The following SDK1 variants were observed in gnomAD, a reference collection of about 807,000 sequenced individuals.
The protein encoded by SDK1 is sidekick cell adhesion molecule 1.
SDK1 carries 157 observed loss-of-function variants against 245.5 expected under a neutral mutation model. The observed-to-expected ratio is 0.64, with a 90% confidence interval of 0.56 to 0.73. The LOEUF (loss-of-function observed/expected upper bound fraction) is 0.73, where lower values mean the gene tolerates loss of function less well. SDK1 is among the 30% of genes least tolerant of loss of function. SDK1 has a pLI of 0.00. For missense variants in SDK1, 3,583 were observed against 3,002.3 expected, an observed-to-expected ratio of 1.19 and a Z score of -4.52; for synonymous variants, 1,647 against 1,278.5, an observed-to-expected ratio of 1.29 and a Z score of -6.15.
chr7:3,978,524 C>G (rs906415213), intron 13 of SDK1, among the ~76,000 whole-genome samples: 1 of 152,152 alleles, frequency 6.6e-6, no homozygotes, highest in Admixed American at 6.5e-5. Context: ...AGTTGTTCCT[C>G]GTGAATTGTT....
At chr7:3,901,834 CT>C (rs1288926464) in intron 5 of SDK1, among the ~76,000 whole-genome samples, 1 of 152,114 alleles carries the variant, frequency 6.6e-6, no homozygotes, top group Non-Finnish European at 1.5e-5. Context: ...ATTTCCATTC[CT>C]TTTTTTAGGA....
intron 44 of SDK1, among the ~76,000 whole-genome samples, chr7:4,247,333 C>T (rs1434273136): frequency 6.6e-6 from 1 of 152,120 alleles, no homozygotes; most frequent in Non-Finnish European, 1.5e-5. Context: ...ACAGAGGATG[C>T]CGGGTTTGCT....
chr7:4,192,283 C>G lies in SDK1; in HGVS notation c.5099-13596C>G, dbSNP rs115142043. 9.7e-3 allele frequency among the ~76,000 whole-genome samples: 1,484 copies of G among 152,240 alleles called. 25 individuals carry two copies. The highest frequency in any genetic ancestry group is 0.034 in the African/African-American group (1,402 of 41,548). ...TTTGCAGCAGATTTTTTGTTTGTTT[C>G]TTTGTTTATTGAGACGGAGTCTCAC... On this transcript the variant is annotated intron_variant, in intron 35 of 44. Coordinates refer to ENST00000404826, the MANE Select transcript of SDK1 (RefSeq NM_152744.4).
intron 4 of SDK1, among the ~76,000 whole-genome samples, chr7:3,738,071 G>A (rs780540056): frequency 1.3e-5 from 2 of 152,192 alleles, no homozygotes; most frequent in Non-Finnish European, 2.9e-5. Context: ...CTCTTCTGCC[G>A]TCTTTCTTTT....
rs1156596623 is a variant in SDK1 at position 3,806,736 on chromosome 7, A to T, written c.714-14714A>T. ...GAGATGAATGGAGCAATTACGTTTT[A>T]TGTTATTGTGTTGTGTTTGTCATGG... On this transcript the variant is annotated intron_variant, in intron 4 of 44. Coordinates refer to ENST00000404826, the MANE Select transcript of SDK1 (RefSeq NM_152744.4). Among the ~76,000 whole-genome samples, 5 of 152,372 alleles carry T rather than the reference A, an allele frequency of 3.3e-5. 1 individual carries two copies. In the South Asian group the frequency reaches 8.3e-4, roughly 25 times the overall value.
At chr7:3,805,796 T>C (rs892418804) in intron 4 of SDK1, among the ~76,000 whole-genome samples, 1 of 152,268 alleles carries the variant, frequency 6.6e-6, no homozygotes, top group East Asian at 1.9e-4. Flanking sequence ...AAAAGAAATA[T>C]TGTCAAGGCA....
intron 1 of SDK1, among the ~76,000 whole-genome samples, chr7:3,433,229 T>C (rs1268125161): frequency 2.6e-5 from 4 of 152,212 alleles, no homozygotes; most frequent in Non-Finnish European, 2.9e-5. Context: ...GTTATCTGCC[T>C]CAACCCTCTA....
In SDK1 at chr7:3,679,964, A is replaced by G. The variant is rs1176440198; in HGVS notation, c.713+37859A>G. On this transcript the variant is annotated intron_variant, in intron 4 of 44. Transcript: ENST00000404826. Reference sequence around the variant, plus strand: ...CAAAAATGCACACGCAAATGTTCACAGAGGCTTTATTTGTAATAGTCAAAT... The same window carrying G: ...CAAAAATGCACACGCAAATGTTCACGGAGGCTTTATTTGTAATAGTCAAAT... Among the ~76,000 whole-genome samples the G allele has an allele frequency of 2.0e-5, 3 of 152,116 alleles. No homozygotes were observed. The East Asian group carries it at 5.8e-4, about 29-fold the overall frequency.
At chr7:3,751,289 A>T (rs113524908) in intron 4 of SDK1, among the ~76,000 whole-genome samples, 1 of 152,298 alleles carries the variant, frequency 6.6e-6, no homozygotes, top group East Asian at 1.9e-4. Context: ...GAGAGCTAAT[A>T]AACTAGGATG....
chr7:3,361,533 G>A (rs115158983), intron 1 of SDK1, among the ~76,000 whole-genome samples: 1,594 of 151,956 alleles, frequency 0.01, 30 homozygotes, highest in African/African-American at 0.036. Flanking sequence ...TTTGTTCTCC[G>A]CCCTGTGATT....
intron 1 of SDK1, among the ~76,000 whole-genome samples, chr7:3,546,775 A>G (rs1779238632): frequency 6.6e-6 from 1 of 152,182 alleles, no homozygotes; most frequent in South Asian, 2.1e-4. Flanking sequence ...GAAATCTCTC[A>G]TATTAGTGCA....
intron 17 of SDK1, among the ~76,000 whole-genome samples, chr7:4,027,804 C>T (rs929450154): frequency 6.6e-6 from 1 of 151,994 alleles, no homozygotes; most frequent in East Asian, 1.9e-4. Context: ...ACCTGCTGGA[C>T]GTAGTCACAG....
At chr7:4,181,501 G>C (rs936615759) in intron 35 of SDK1, among the ~76,000 whole-genome samples, 3 of 152,158 alleles carry the variant, frequency 2.0e-5, no homozygotes, top group African/African-American at 7.2e-5. Context: ...TCTGAGGTTA[G>C]CATCACGGTG....
intron 4 of SDK1, among the ~76,000 whole-genome samples, chr7:3,688,193 C>G (rs922760778): frequency 6.6e-6 from 1 of 152,208 alleles, no homozygotes; most frequent in South Asian, 2.1e-4. Flanking sequence ...TTCAAAACAA[C>G]TGAGGCTTTT....
intron 4 of SDK1, among the ~76,000 whole-genome samples, chr7:3,704,539 G>C (rs887213108): frequency 6.6e-6 from 1 of 151,898 alleles, no homozygotes; most frequent in African/African-American, 2.4e-5. Flanking sequence ...GATGATATTT[G>C]TGGTTTTCTT....
chr7:3,450,434 A>G (rs1780476657), intron 1 of SDK1, among the ~76,000 whole-genome samples: 2 of 152,214 alleles, frequency 1.3e-5, no homozygotes, highest in South Asian at 4.1e-4. Context: ...TTTGGGGCAG[A>G]TAATAAAGTG....
intron 14 of SDK1, among the ~76,000 whole-genome samples, chr7:3,999,604 G>A (rs981143970): frequency 6.6e-6 from 1 of 152,216 alleles, no homozygotes; most frequent in African/African-American, 2.4e-5. Context: ...TCCGAGGCTT[G>A]GATGCAGGGC....
At chr7:4,203,628 G>A (rs559178443) in intron 35 of SDK1, among the ~76,000 whole-genome samples, 1 of 152,094 alleles carries the variant, frequency 6.6e-6, no homozygotes, top group Non-Finnish European at 1.5e-5. Context: ...CAGATGCTCC[G>A]TGTCTCCCAA....
chr7:3,774,723 GA>G (rs1235382950), intron 4 of SDK1, among the ~76,000 whole-genome samples: 2 of 151,940 alleles, frequency 1.3e-5, no homozygotes, highest in African/African-American at 2.4e-5. Context: ...TTTATAATCT[GA>G]AAAAAATAGT....
Sources: allele counts gnomAD v4.1 joint callset (sites outside exome capture counted in the v4.1 genomes callset), GRCh38; gene constraint gnomAD v4.1.1; transcripts MANE v1.5; gene names NCBI Gene and HGNC (gene_info 2026-07-23, HGNC 2026-07-21).